The following CTXND2 variants were observed in gnomAD, a reference collection of about 807,000 sequenced individuals.
CTXND2 encodes the protein cortexin domain containing 2.
chr1:150,902,172 C>T (rs587744506), intron 1 of CTXND2, among the ~76,000 whole-genome samples: 3 of 152,080 alleles, frequency 2.0e-5, no homozygotes, highest in Admixed American at 6.6e-5. Context: ...GGGGCAGAGG[C>T]GGGCAGATCA....
intron 1 of CTXND2, among the ~76,000 whole-genome samples, chr1:150,906,838 C>A (rs780540689): frequency 6.6e-6 from 1 of 152,142 alleles, no homozygotes; most frequent in African/African-American, 2.4e-5. Flanking sequence ...TGATATCCAA[C>A]GTGAGTTTAG....
At chr1:150,896,705 C>T (rs905631897) in intron 1 of CTXND2, among the ~76,000 whole-genome samples, 5 of 152,172 alleles carry the variant, frequency 3.3e-5, no homozygotes, top group Non-Finnish European at 7.4e-5. Context: ...ATTCATTCAA[C>T]AAAGTTTTAC....
At chr1:150,907,091 C>A (rs1385129884) in intron 1 of CTXND2, among the ~76,000 whole-genome samples, 1 of 152,066 alleles carries the variant, frequency 6.6e-6, no homozygotes, top group Non-Finnish European at 1.5e-5. Context: ...GAAGAAGAAG[C>A]CTGAAAAGGG....
intron 1 of CTXND2, among the ~76,000 whole-genome samples, chr1:150,900,453 A>G (rs1668991491): frequency 6.6e-6 from 1 of 152,338 alleles, no homozygotes; most frequent in South Asian, 2.1e-4. Flanking sequence ...GAGGGTCTGC[A>G]GCTTCAGTCT....
intron 1 of CTXND2, among the ~76,000 whole-genome samples, chr1:150,892,409 A>G (rs1668861952): frequency 1.3e-5 from 2 of 152,066 alleles, no homozygotes; most frequent in Admixed American, 6.6e-5. Flanking sequence ...AGGGGTATCT[A>G]TGCCCACATA....
chr1:150,888,056 C>G (rs1442317533), intron 1 of CTXND2, among the ~76,000 whole-genome samples: 3 of 136,000 alleles, frequency 2.2e-5, no homozygotes, highest in Non-Finnish European at 4.9e-5. Context: ...AAACAAGAAC[C>G]TTAAAAGCCA....
intron 1 of CTXND2, among the ~76,000 whole-genome samples, chr1:150,890,961 T>C (rs1159344481): frequency 6.6e-6 from 1 of 152,184 alleles, no homozygotes; most frequent in Non-Finnish European, 1.5e-5. Flanking sequence ...AGCCATCACC[T>C]CTACAAAGAC....
chr1:150,905,385 C>T (rs200967950), intron 1 of CTXND2, among the ~76,000 whole-genome samples: 43 of 136,174 alleles, frequency 3.2e-4, no homozygotes, highest in Admixed American at 1.6e-3. Context: ...CTCAGGTGAT[C>T]CCCCCCAACC....
intron 1 of CTXND2, among the ~76,000 whole-genome samples, chr1:150,900,345 C>T (rs1245479840): frequency 1.3e-5 from 2 of 151,950 alleles, no homozygotes. Flanking sequence ...TCAAGCAAGA[C>T]CACAAACCCA....
chr1:150,903,644 A>C (rs1361618759), intron 1 of CTXND2, among the ~76,000 whole-genome samples: 1 of 151,764 alleles, frequency 6.6e-6, no homozygotes, highest in African/African-American at 2.4e-5. Flanking sequence ...CTAAAAATAC[A>C]AAAAATTTGC....
At chr1:150,900,881 A>G (rs185730749) in intron 1 of CTXND2, among the ~76,000 whole-genome samples, 1 of 152,236 alleles carries the variant, frequency 6.6e-6, no homozygotes, top group East Asian at 1.9e-4. Flanking sequence ...CCTGTAATCC[A>G]AAGTGGGAGG....
chr1:150,895,920 C>T (rs1338460667), intron 1 of CTXND2, among the ~76,000 whole-genome samples: 1 of 152,184 alleles, frequency 6.6e-6, no homozygotes. Flanking sequence ...ATGTCTAATG[C>T]CAGCATTGCC....
intron 1 of CTXND2, among the ~76,000 whole-genome samples, chr1:150,910,951 C>T (rs1669245133): frequency 6.6e-6 from 1 of 151,930 alleles, no homozygotes; most frequent in Non-Finnish European, 1.5e-5. Flanking sequence ...ACTACAGGTG[C>T]CCACCACCAC....
intron 1 of CTXND2, among the ~76,000 whole-genome samples, chr1:150,907,510 T>C (rs1402934368): frequency 6.6e-6 from 1 of 152,178 alleles, no homozygotes; most frequent in Non-Finnish European, 1.5e-5. Context: ...TTATGGCCAA[T>C]AATAGTCTAT....
chr1:150,910,079 A>C (rs1201385559), intron 1 of CTXND2, among the ~76,000 whole-genome samples: 1 of 151,682 alleles, frequency 6.6e-6, no homozygotes, highest in Non-Finnish European at 1.5e-5. Flanking sequence ...TGTAAGTTTT[A>C]AGCTTTAAGA....
intron 1 of CTXND2, among the ~76,000 whole-genome samples, chr1:150,899,113 TAAATAAATAAATAAATAAAC>T (rs1175964409): frequency 2.8e-5 from 3 of 108,716 alleles, no homozygotes; most frequent in African/African-American, 9.8e-5. Context: ...AATAAATAAA[TAAATAAATAAATAAATAAAC>T]AAACAAACAA....
chr1:150,901,039 G>A (rs913565914), intron 1 of CTXND2, among the ~76,000 whole-genome samples: 2 of 152,124 alleles, frequency 1.3e-5, no homozygotes, highest in South Asian at 2.1e-4. Flanking sequence ...TTGAGCCCAG[G>A]AGGTTGAGGC....
At chr1:150,892,737 C>A (rs1317031983) in intron 1 of CTXND2, among the ~76,000 whole-genome samples, 4 of 151,972 alleles carry the variant, frequency 2.6e-5, no homozygotes, top group African/African-American at 9.7e-5. Flanking sequence ...TGGGGTTTTA[C>A]CATGTTGCTC....
At chr1:150,891,762 ATC>A (rs1196876304) in intron 1 of CTXND2, among the ~76,000 whole-genome samples, 1 of 152,182 alleles carries the variant, frequency 6.6e-6, no homozygotes, top group African/African-American at 2.4e-5. Flanking sequence ...TACCTGGAAT[ATC>A]TTCTTTCCTT....
Sources: allele counts gnomAD v4.1 joint callset (sites outside exome capture counted in the v4.1 genomes callset), GRCh38; gene constraint gnomAD v4.1.1; transcripts MANE v1.5; gene names NCBI Gene and HGNC (gene_info 2026-07-23, HGNC 2026-07-21).